Variants in TMEM163 observed in about 807,000 individuals in gnomAD.
The protein encoded by TMEM163 is transmembrane protein 163.
In TMEM163, 17 loss-of-function variants were observed where a neutral mutation model predicts 29.3. That is an observed-to-expected ratio of 0.58 (90% confidence interval 0.40 to 0.87). The LOEUF (loss-of-function observed/expected upper bound fraction) is 0.87. Among genes scored for constraint, TMEM163 ranks in the 40% least tolerant of loss-of-function variants. The pLI, the probability that TMEM163 is intolerant of heterozygous loss-of-function variation, is 0.00. For synonymous variants in TMEM163, 157 were observed against 160.6 expected (o/e 0.98, Z 0.17); for missense variants, 303 against 381.5 (o/e 0.79, Z 1.71).
At chr2:134,546,753 C>T (rs1280869580) in intron 4 of TMEM163, among the ~76,000 whole-genome samples, 3 of 151,856 alleles carry the variant, frequency 2.0e-5, no homozygotes, top group African/African-American at 2.4e-5. Context: ...GCTGAGGTTG[C>T]AGTGAGCCAA....
At chr2:134,563,562 TA>T (rs1681228985) in intron 2 of TMEM163, among the ~76,000 whole-genome samples, 1 of 152,018 alleles carries the variant, frequency 6.6e-6, no homozygotes, top group Non-Finnish European at 1.5e-5. Flanking sequence ...CTAATGAAAC[TA>T]AAAAAATATG....
intron 2 of TMEM163, among the ~76,000 whole-genome samples, chr2:134,678,796 A>C (rs1104802): frequency 0.66 from 100,188 of 152,162 alleles, 34,482 homozygotes; most frequent in African/African-American, 0.83. Context: ...TAAATTAATC[A>C]TCTCAAGTTA....
chr2:134,656,588 T>G (rs1683623410), intron 2 of TMEM163, among the ~76,000 whole-genome samples: 1 of 152,220 alleles, frequency 6.6e-6, no homozygotes, highest in Non-Finnish European at 1.5e-5. Flanking sequence ...CTTCTATTTC[T>G]TTCTCTTGAC....
chr2:134,483,562 A>G (rs1280405399), intron 5 of TMEM163, among the ~76,000 whole-genome samples: 1 of 152,222 alleles, frequency 6.6e-6, no homozygotes, highest in Non-Finnish European at 1.5e-5. Flanking sequence ...TGCTTAATAA[A>G]TGATTCAATT....
chr2:134,662,460 A>G (rs894418800), intron 2 of TMEM163, among the ~76,000 whole-genome samples: 3 of 152,220 alleles, frequency 2.0e-5, no homozygotes, highest in African/African-American at 7.2e-5. Flanking sequence ...ATTGGTTAAA[A>G]AGATGAGACT....
At chr2:134,705,164 C>T (rs374129347) in intron 2 of TMEM163, among the ~76,000 whole-genome samples, 103 of 151,328 alleles carry the variant, frequency 6.8e-4, no homozygotes, top group Non-Finnish European at 1.1e-3. Context: ...GAGCTGTGAT[C>T]GCACCACTGC....
chr2:134,516,399 A>G (rs1680057080), intron 4 of TMEM163, among the ~76,000 whole-genome samples: 1 of 151,790 alleles, frequency 6.6e-6, no homozygotes, highest in Non-Finnish European at 1.5e-5. Flanking sequence ...CATCTCTACT[A>G]AAAGTACAAA....
At chr2:134,658,365 T>C (rs1355304758) in intron 2 of TMEM163, among the ~76,000 whole-genome samples, 3 of 152,208 alleles carry the variant, frequency 2.0e-5, no homozygotes, top group Non-Finnish European at 2.9e-5. Flanking sequence ...TTGTGAGGTT[T>C]TGTTTAAATG....
chr2:134,553,963 C>T (rs539653753), intron 2 of TMEM163, among the ~76,000 whole-genome samples: 13 of 152,302 alleles, frequency 8.5e-5, no homozygotes, highest in African/African-American at 1.7e-4. Flanking sequence ...GTTAACTAAG[C>T]GTAACAAAAT....
At chr2:134,676,436 T>A (rs1684116938) in intron 2 of TMEM163, among the ~76,000 whole-genome samples, 1 of 152,206 alleles carries the variant, frequency 6.6e-6, no homozygotes, top group Non-Finnish European at 1.5e-5. Context: ...GGCTGCATTG[T>A]TTAGTACTGC....
intron 4 of TMEM163, among the ~76,000 whole-genome samples, chr2:134,543,873 A>G (rs1359406962): frequency 2.0e-5 from 3 of 152,194 alleles, no homozygotes; most frequent in Non-Finnish European, 4.4e-5. Context: ...GGGCCCTCCA[A>G]TTCCCATCCC....
intron 2 of TMEM163, among the ~76,000 whole-genome samples, chr2:134,606,926 CTG>C (rs1418477413): frequency 6.8e-6 from 1 of 147,952 alleles, no homozygotes. Flanking sequence ...ACCCCGAGAA[CTG>C]TGCTGGTGAA....
chr2:134,552,587 A>G (rs1680954429), intron 2 of TMEM163, among the ~76,000 whole-genome samples: 1 of 152,168 alleles, frequency 6.6e-6, no homozygotes, highest in Non-Finnish European at 1.5e-5. Context: ...ATCTTAAACA[A>G]CAGATGTCTA....
At chr2:134,558,897 A>T (rs569730276) in intron 2 of TMEM163, among the ~76,000 whole-genome samples, 3 of 152,258 alleles carry the variant, frequency 2.0e-5, no homozygotes, top group Admixed American at 2.0e-4. Context: ...TCCTACTTTA[A>T]TTGGACAGCC....
At chr2:134,458,499 G>C in intron 6 of TMEM163, 1 of 323,030 alleles carries the variant, frequency 3.1e-6, no homozygotes, top group Admixed American at 4.0e-5. Flanking sequence ...GTGGTTTTCT[G>C]TTGAGTCCAC....
chr2:134,692,911 A>G (rs190321512), intron 2 of TMEM163, among the ~76,000 whole-genome samples: 1 of 152,130 alleles, frequency 6.6e-6, no homozygotes, highest in East Asian at 1.9e-4. Context: ...CATCCACCAC[A>G]TTGCCTCAGT....
chr2:134,636,629 T>C (rs1269152358), intron 2 of TMEM163, among the ~76,000 whole-genome samples: 1 of 152,164 alleles, frequency 6.6e-6, no homozygotes, highest in Non-Finnish European at 1.5e-5. Flanking sequence ...AAAACAAACC[T>C]CCTTCTTGCC....
chr2:134,645,171 A>G (rs1574305082), intron 2 of TMEM163, among the ~76,000 whole-genome samples: 1 of 152,260 alleles, frequency 6.6e-6, no homozygotes, highest in East Asian at 1.9e-4. Context: ...GTAGGAATAC[A>G]AAATGGTATA....
At chr2:134,612,705 GT>G (rs1682532442) in intron 2 of TMEM163, among the ~76,000 whole-genome samples, 1 of 152,168 alleles carries the variant, frequency 6.6e-6, no homozygotes, top group Non-Finnish European at 1.5e-5. Context: ...AAATATAGAT[GT>G]TGCAGAATTC....
Sources: gnomAD v4.1 joint callset for allele counts (sites outside exome capture counted in the v4.1 genomes callset) on GRCh38, gnomAD v4.1.1 for gene constraint, MANE v1.5 for transcripts, NCBI Gene and HGNC (gene_info 2026-07-23, HGNC 2026-07-21) for gene names.